The following ZBTB44 variants were observed in gnomAD, a reference collection of about 807,000 sequenced individuals.
ZBTB44 encodes the protein zinc finger and BTB domain containing 44, also known as zinc finger and BTB domain-containing protein 44.
In ZBTB44, 15 loss-of-function variants were observed where a neutral mutation model predicts 54.0. The ratio of observed to expected loss-of-function variants is 0.28; its 90% CI spans 0.19 to 0.43. ZBTB44 has a LOEUF of 0.43. ZBTB44 is among the 20% of genes least tolerant of loss of function. ZBTB44 has a pLI of 1.00. For missense variants in ZBTB44, 487 were observed against 707.1 expected (o/e 0.69, Z 3.53); for synonymous variants, 230 against 250.1 (o/e 0.92, Z 0.76).
intron 1 of ZBTB44, chr11:130,296,883 G>A (rs1941685507): frequency 1.4e-6 from 1 of 729,756 alleles, no homozygotes; most frequent in African/African-American, 1.8e-5. Flanking sequence ...TCTGCCATTT[G>A]ATTTCAAAGT....
chr11:130,287,965 CAA>C (rs535420591), intron 1 of ZBTB44, among the ~76,000 whole-genome samples: 38 of 86,334 alleles, frequency 4.4e-4, no homozygotes, highest in Non-Finnish European at 4.5e-4. Context: ...TTTTCTCAGA[CAA>C]AAAAAAAAAA....
At chr11:130,254,761 A>C (rs1466627352) in intron 2 of ZBTB44, among the ~76,000 whole-genome samples, 1 of 152,170 alleles carries the variant, frequency 6.6e-6, no homozygotes, top group African/African-American at 2.4e-5. Context: ...TGCTGCTATA[A>C]AGACACGTGC....
chr11:130,272,104 C>T (rs1052203003), intron 1 of ZBTB44, among the ~76,000 whole-genome samples: 2 of 150,836 alleles, frequency 1.3e-5, no homozygotes, highest in African/African-American at 2.4e-5. Flanking sequence ...TAGGGGTGGG[C>T]GCCTGTAATC....
chr11:130,238,807 T>C, intron 3 of ZBTB44, 200 bp from the exon 4 acceptor site: 3 of 555,746 alleles, frequency 5.4e-6, no homozygotes, highest in Admixed American at 7.6e-5. Flanking sequence ...TTTTTTTTTA[T>C]TTTTTGAGAC....
At chr11:130,272,295 C>G (rs1939730847) in intron 1 of ZBTB44, among the ~76,000 whole-genome samples, 1 of 152,034 alleles carries the variant, frequency 6.6e-6, no homozygotes, top group African/African-American at 2.4e-5. Flanking sequence ...TATGATTCAA[C>G]TTTGTTTCTA....
At chr11:130,252,030 CAT>C (rs1938045522) in intron 2 of ZBTB44, among the ~76,000 whole-genome samples, 1 of 152,032 alleles carries the variant, frequency 6.6e-6, no homozygotes, top group Non-Finnish European at 1.5e-5. Flanking sequence ...AGACCTATCT[CAT>C]GTGGGTCAAA....
At position 130,233,702 on chromosome 11, in the gene ZBTB44, C is replaced by T. The variant is rs529970006; in HGVS notation, c.1687-320G>A. The T allele has an allele frequency of 6.5e-5, 79 of 1,208,114 alleles. No homozygotes were observed. The South Asian group carries it at 1.7e-3, about 26-fold the overall frequency. The allele number at this position is 1,208,114 out of a possible 1,614,324, so 74.8% of individuals were successfully genotyped here. A position where few individuals can be genotyped will look rare whatever the true frequency, so the allele number is the denominator to read the frequency against. On this transcript the variant is annotated intron_variant, in intron 6 of 7. Coordinates refer to ENST00000357899, the MANE Select transcript of ZBTB44 (RefSeq NM_001301098.2). The stretch of plus-strand genomic sequence containing the variant: ...TAGCTAATGATCTGTTGTTAGCCTA[C>T]TTTTAACAATGGAAGAAGGAACTGG...
intron 1 of ZBTB44, among the ~76,000 whole-genome samples, chr11:130,312,863 C>A (rs1268703663): frequency 1.3e-5 from 2 of 152,018 alleles, no homozygotes; most frequent in Admixed American, 6.6e-5. Context: ...GGAGAATGTC[C>A]CTATTTTTAG....
Position 130,234,228 on chromosome 11 carries a change from G to C in ZBTB44, c.1614C>G (p.Thr538=). ...PDYLNQEQEE[T]LVQYDLGEHG... ...GTTCTCCAAGATCATATTGAACAAGGGTCTCTTCTTGTTCCTGGTTTAAGT... is the reference window on the plus strand; with the variant it reads ...GTTCTCCAAGATCATATTGAACAAGCGTCTCTTCTTGTTCCTGGTTTAAGT... Residue 538 remains threonine (T), a synonymous_variant, in exon 6 of 8, where the codon ACC becomes ACG. Transcript: ENST00000357899. 1 of 1,527,076 alleles carries C rather than the reference G, an allele frequency of 6.5e-7. No homozygotes were observed. Among genetic ancestry groups the C allele is most frequent in the Middle Eastern group, 1.7e-4 (1 of 5,770 alleles). 94.6% of individuals were successfully genotyped at this position (1,527,076 alleles called of 1,614,324 possible).
intron 5 of ZBTB44, among the ~76,000 whole-genome samples, chr11:130,234,761 GT>G (rs1033370528): frequency 1.1e-4 from 17 of 152,106 alleles, no homozygotes; most frequent in African/African-American, 4.1e-4. Flanking sequence ...CTACTATAAA[GT>G]TGGGAAATGT....
intron 1 of ZBTB44, among the ~76,000 whole-genome samples, chr11:130,303,662 A>C (rs914405875): frequency 1.4e-4 from 22 of 152,076 alleles, no homozygotes; most frequent in East Asian, 1.9e-4. Flanking sequence ...AAACAAAAAA[A>C]CCCAAAAAAA....
chr11:130,252,013 G>A (rs1938043687), intron 2 of ZBTB44, among the ~76,000 whole-genome samples: 3 of 152,080 alleles, frequency 2.0e-5, no homozygotes, highest in Admixed American at 2.0e-4. Flanking sequence ...GGTGTGCTGT[G>A]TTCAGGAGAC....
At chr11:130,291,040 G>A (rs1297515408) in intron 1 of ZBTB44, among the ~76,000 whole-genome samples, 1 of 151,932 alleles carries the variant, frequency 6.6e-6, no homozygotes, top group Non-Finnish European at 1.5e-5. Flanking sequence ...TCCCAGCTCT[G>A]GTCCCTTTTT....
chr11:130,248,129 G>A (rs755471498), intron 2 of ZBTB44, among the ~76,000 whole-genome samples: 8 of 152,182 alleles, frequency 5.3e-5, no homozygotes, highest in Non-Finnish European at 8.8e-5. Context: ...ACCTCTCAGA[G>A]ATGTTCTTTA....
At position 130,244,444 on chromosome 11, in the gene ZBTB44, G is replaced by A. The variant is rs192547129; in HGVS notation, c.1019-4548C>T. On this transcript the variant is annotated intron_variant, in intron 2 of 7. Transcript: ENST00000357899. ...GCACTTTGGGAGGCCGACGTGGGTGGATCACAAGGTCAGGAGATCCAGACC... is the reference window on the plus strand; with the variant it reads ...GCACTTTGGGAGGCCGACGTGGGTGAATCACAAGGTCAGGAGATCCAGACC... 1.6e-4 allele frequency among the ~76,000 whole-genome samples: 25 copies of A among 152,164 alleles called. No individual in the cohort carries two copies. In the East Asian group the frequency reaches 4.8e-3, roughly 29 times the overall value.
At chr11:130,302,409 G>C (rs1043079918) in intron 1 of ZBTB44, among the ~76,000 whole-genome samples, 2 of 152,178 alleles carry the variant, frequency 1.3e-5, no homozygotes, top group South Asian at 2.1e-4. Flanking sequence ...CAAAGACAAA[G>C]AGAAGCACTG....
chr11:130,233,978 C>A, intron 6 of ZBTB44, 178 bp downstream of exon 6: 1 of 1,412,132 alleles, frequency 7.1e-7, no homozygotes, highest in Non-Finnish European at 9.3e-7. Flanking sequence ...AAAACTGAAG[C>A]CAAATCACAA....
intron 1 of ZBTB44, among the ~76,000 whole-genome samples, chr11:130,281,851 C>T (rs1157416869): frequency 1.3e-5 from 2 of 152,168 alleles, no homozygotes; most frequent in African/African-American, 2.4e-5. Flanking sequence ...GTGATCCGCC[C>T]GCCTTGGCCT....
Position 130,284,223 on chromosome 11 carries a change from T to C in ZBTB44, c.-56-22294A>G, listed in dbSNP as rs34532470. 3.8e-3 allele frequency among the ~76,000 whole-genome samples: 584 copies of C among 152,336 alleles called. 9 individuals carry two copies. The highest frequency in any genetic ancestry group is 5.1e-3 in the Non-Finnish European group (344 of 68,032). On this transcript the variant is annotated intron_variant, in intron 1 of 7. Transcript: ENST00000357899. ...ATTTATAGAATTATACTGTATATGA[T>C]GTTAATTGCAAATTTTTTCATTGTA...
Sources: allele counts gnomAD v4.1 joint callset (sites outside exome capture counted in the v4.1 genomes callset), GRCh38; gene constraint gnomAD v4.1.1; transcripts MANE v1.5; gene names NCBI Gene and HGNC (gene_info 2026-07-23, HGNC 2026-07-21).